Variants in BDKRB1 observed in about 807,000 individuals in gnomAD.
BDKRB1 encodes the protein bradykinin receptor B1, also known as B1 bradykinin receptor.
For synonymous variants in BDKRB1, 192 were observed against 189.1 expected (o/e 1.02, Z -0.13); for missense variants, 414 against 441.4 (o/e 0.94, Z 0.56).
At chr14:96,261,673 C>G (rs898350916) in intron 1 of BDKRB1, among the ~76,000 whole-genome samples, 3 of 152,244 alleles carry the variant, frequency 2.0e-5, no homozygotes, top group African/African-American at 4.8e-5. Flanking sequence ...ACAGTGACAA[C>G]TAATGTTTGC....
At chr14:96,260,129 A>G (rs28631073) in intron 1 of BDKRB1, among the ~76,000 whole-genome samples, 16,185 of 151,736 alleles carry the variant, frequency 0.11, 983 homozygotes, top group African/African-American at 0.16. Context: ...GGTTCAAGCA[A>G]TTCTCTGCCT....
intron 2 of BDKRB1, among the ~76,000 whole-genome samples, chr14:96,263,193 T>C (rs1425797911): frequency 1.3e-5 from 2 of 152,092 alleles, no homozygotes; most frequent in Non-Finnish European, 2.9e-5. Context: ...ATAGTAATAA[T>C]AATAATGGTA....
At chr14:96,257,920 G>T (rs980217871) in intron 1 of BDKRB1, among the ~76,000 whole-genome samples, 17 of 147,992 alleles carry the variant, frequency 1.1e-4, no homozygotes, top group African/African-American at 3.5e-4. Context: ...AGGGAGGGAA[G>T]AAGGGAGGGA....
In BDKRB1 at chr14:96,264,206, T is replaced by C; in HGVS notation, c.524T>C (p.Leu175Pro). 6.2e-7 allele frequency: 1 copy of C among 1,613,338 alleles called. No homozygotes were observed. The highest frequency in any genetic ancestry group is 8.5e-7 in the Non-Finnish European group (1 of 1,179,382). The change falls in exon 3 of 3, where the codon CTG (leucine) becomes CCG (proline). Residue 175 changes from leucine (L) to proline (P), a missense_variant. Physicochemically the swap from Leu to Pro is moderately conservative, Grantham distance 98. Coordinates refer to ENST00000216629, the MANE Select transcript of BDKRB1 (RefSeq NM_000710.4). Reference protein sequence around the residue: ...GGLLSIPTFLLRSIQAVPDLN... With the variant: ...GGLLSIPTFLPRSIQAVPDLN... ...CTCTTGAGCATCCCCACATTCCTGC[T>C]GCGATCCATCCAAGCCGTCCCAGAT...
At chr14:96,263,168 C>T (rs1885797759) in intron 2 of BDKRB1, among the ~76,000 whole-genome samples, 1 of 152,066 alleles carries the variant, frequency 6.6e-6, no homozygotes. Context: ...TCATTAAATG[C>T]CTGTTAAAAC....
chr14:96,257,218 C>T (rs866122938), intron 1 of BDKRB1, among the ~76,000 whole-genome samples: 5 of 152,206 alleles, frequency 3.3e-5, no homozygotes, highest in South Asian at 2.1e-4. Flanking sequence ...GGGATGGGGG[C>T]GGTGTCCACT....
At chr14:96,263,483 C>A (rs1885804792) in intron 2 of BDKRB1, among the ~76,000 whole-genome samples, 190 bp from the exon 3 acceptor site, 1 of 152,214 alleles carries the variant, frequency 6.6e-6, no homozygotes, top group Non-Finnish European at 1.5e-5. Flanking sequence ...GCTTTGCAAG[C>A]CAGACAGTCT....
chr14:96,259,966 A>G (rs1409556463), intron 1 of BDKRB1: 1 of 152,120 alleles, frequency 6.6e-6, no homozygotes, highest in Non-Finnish European at 1.5e-5. Flanking sequence ...GCCTCTCAGA[A>G]TGATCTTATA....
chr14:96,257,270 G>A lies in BDKRB1; in HGVS notation c.-130+970G>A, dbSNP rs183378176. On this transcript the variant is annotated intron_variant, in intron 1 of 2. Transcript: ENST00000216629. ...AGCTAAAGTCCCTGCGTAGCTGGTCGTCTCTGGCTTCCTGGGCAGGGTGCA... is the reference window on the plus strand; with the variant it reads ...AGCTAAAGTCCCTGCGTAGCTGGTCATCTCTGGCTTCCTGGGCAGGGTGCA... 1.0e-3 allele frequency among the ~76,000 whole-genome samples: 152 copies of A among 152,346 alleles called. No homozygotes were observed. The South Asian group carries it at 0.012, about 12-fold the overall frequency.
In BDKRB1 at chr14:96,264,677, C is replaced by A; in HGVS notation, c.995C>A (p.Pro332His). ...KVWELYKQCTPKSLAPISSSH... is the reference protein window; with the variant it reads ...KVWELYKQCTHKSLAPISSSH... Reference sequence around the variant, plus strand: ...TGGGAACTTTATAAACAATGCACCCCTAAAAGTCTTGCTCCAATATCTTCA... The same window carrying A: ...TGGGAACTTTATAAACAATGCACCCATAAAAGTCTTGCTCCAATATCTTCA... The change falls in exon 3 of 3, where the codon CCT (proline) becomes CAT (histidine). Residue 332 changes from proline to histidine, a missense_variant. Coordinates refer to ENST00000216629, the MANE Select transcript of BDKRB1 (RefSeq NM_000710.4). 6.2e-7 allele frequency: 1 copy of A among 1,614,170 alleles called. No individual in the cohort carries two copies. Among genetic ancestry groups the A allele is most frequent in the Non-Finnish European group, 8.5e-7 (1 of 1,180,040 alleles).
chr14:96,264,145 C>T lies in BDKRB1; in HGVS notation c.463C>T (p.Arg155Trp), dbSNP rs200573342. ...SRRQQRRRQA[R>W]VTCVLIWVVG... ...GAGGCAGCAGCGGCGGAGGCAGGCC[C>T]GGGTCACCTGCGTGCTCATCTGGGT... Residue 155 changes from arginine to tryptophan, a missense_variant, in exon 3 of 3, where the codon CGG (arginine) becomes TGG (tryptophan). Arg to Trp is a moderately radical substitution (Grantham distance 101). Coordinates refer to ENST00000216629, the MANE Select transcript of BDKRB1 (RefSeq NM_000710.4). The T allele has an allele frequency of 1.2e-4, 196 of 1,597,322 alleles. No homozygotes were observed. The highest frequency in any genetic ancestry group is 1.4e-4 in the Non-Finnish European group (164 of 1,171,124).
At position 96,264,713 on chromosome 14, in the gene BDKRB1, A is replaced by G. The variant is rs1175685087; in HGVS notation, c.1031A>G (p.Lys344Arg). The G allele has an allele frequency of 5.6e-6, 9 of 1,609,048 alleles. No individual in the cohort carries two copies. Among genetic ancestry groups the G allele is most frequent in the Non-Finnish European group, 7.6e-6 (9 of 1,178,412 alleles). The change falls in exon 3 of 3, where the codon AAA becomes AGA. Residue 344 changes from lysine (K) to arginine (R), a missense_variant. Physicochemically the swap from Lys to Arg is conservative, Grantham distance 26. Coordinates refer to ENST00000216629, the MANE Select transcript of BDKRB1 (RefSeq NM_000710.4). ...GCTCCAATATCTTCATCCCATAGGAAAGAAATCTTCCAACTTTTCTGGCGG... is the reference window on the plus strand; with the variant it reads ...GCTCCAATATCTTCATCCCATAGGAGAGAAATCTTCCAACTTTTCTGGCGG... The part of the protein sequence containing the change: ...SLAPISSSHR[K>R]EIFQLFWRN
intron 1 of BDKRB1, chr14:96,259,631 T>C (rs1205799500): frequency 6.6e-6 from 1 of 152,508 alleles, no homozygotes; most frequent in Non-Finnish European, 1.5e-5. Context: ...TTATTTCCAA[T>C]GTGGAAAATT....
intron 1 of BDKRB1, among the ~76,000 whole-genome samples, chr14:96,261,087 C>T (rs1020283149): frequency 1.3e-5 from 2 of 152,076 alleles, no homozygotes; most frequent in South Asian, 2.1e-4. Context: ...TGGCATTGTC[C>T]GATTTCTCCT....
intron 1 of BDKRB1, among the ~76,000 whole-genome samples, chr14:96,256,724 C>T (rs1051306508): frequency 6.6e-6 from 1 of 152,190 alleles, no homozygotes; most frequent in Non-Finnish European, 1.5e-5. Context: ...TTGGGTTATT[C>T]GTGGCTTGAA....
chr14:96,257,710 C>T (rs1465610729), intron 1 of BDKRB1, among the ~76,000 whole-genome samples: 3 of 152,188 alleles, frequency 2.0e-5, no homozygotes, highest in Non-Finnish European at 4.4e-5. Context: ...CCTCTGTCAC[C>T]ATAGACCTCA....
intron 1 of BDKRB1, among the ~76,000 whole-genome samples, chr14:96,261,058 G>A (rs1885737796): frequency 6.6e-6 from 1 of 151,748 alleles, no homozygotes; most frequent in African/African-American, 2.4e-5. Context: ...ATACTTCCCA[G>A]TGTTCAGTCC....
In BDKRB1 at chr14:96,262,783, A is replaced by G. The variant is rs960592451; in HGVS notation, c.-11+13A>G. On this transcript the variant is annotated intron_variant, in intron 2 of 2. Transcript: ENST00000216629. Reference sequence around the variant, plus strand: ...GCTGGGACCACAGGTATGCACCACCATGCCCAGCTAATTTTTGTATTTTTT... The same window carrying G: ...GCTGGGACCACAGGTATGCACCACCGTGCCCAGCTAATTTTTGTATTTTTT... 2.6e-6 allele frequency: 1 copy of G among 389,562 alleles called. No homozygotes were observed. The highest frequency in any genetic ancestry group is 3.5e-5 in the Admixed American group (1 of 28,198). 24.1% of individuals were successfully genotyped at this position (389,562 alleles called of 1,614,324 possible).
rs376961698 is a variant in BDKRB1, at chr14:96,263,744, A to G, written c.62A>G (p.Gln21Arg). The G allele has an allele frequency of 1.6e-5, 26 of 1,614,080 alleles. No homozygotes were observed. The highest frequency in any genetic ancestry group is 1.6e-4 in the Middle Eastern group (1 of 6,084). Reference sequence around the variant, plus strand: ...TCCAACCAGAGCCAGCTCTTCCCTCAAAATGCTACGGCCTGTGACAATGCT... The same window carrying G: ...TCCAACCAGAGCCAGCTCTTCCCTCGAAATGCTACGGCCTGTGACAATGCT... Reference protein sequence around the residue: ...QSSNQSQLFPQNATACDNAPE... With the variant: ...QSSNQSQLFPRNATACDNAPE... Residue 21 changes from glutamine (Q) to arginine (R), a missense_variant, in exon 3 of 3, where the codon CAA (glutamine) becomes CGA (arginine). Transcript: ENST00000216629.
Sources: allele counts gnomAD v4.1 joint callset (sites outside exome capture counted in the v4.1 genomes callset), GRCh38; gene constraint gnomAD v4.1.1; transcripts MANE v1.5; gene names NCBI Gene and HGNC (gene_info 2026-07-23, HGNC 2026-07-21).